The following XKR6 variants were observed in gnomAD, a reference collection of about 807,000 sequenced individuals.
XKR6 encodes XK related 6.
A neutral mutation model predicts 56.7 loss-of-function variants in XKR6; 22 were observed. The ratio of observed to expected loss-of-function variants is 0.39; its 90% CI spans 0.28 to 0.55. The LOEUF (loss-of-function observed/expected upper bound fraction) is 0.55, where lower values mean the gene tolerates loss of function less well. XKR6 is among the 20% of genes least tolerant of loss of function. The pLI is 0.66. For synonymous variants in XKR6, 524 were observed against 387.8 expected, an observed-to-expected ratio of 1.35 and a Z score of -4.13; for missense variants, 852 against 889.0, an observed-to-expected ratio of 0.96 and a Z score of 0.53.
intron 1 of XKR6, among the ~76,000 whole-genome samples, chr8:10,941,909 G>A (rs1801396090): frequency 6.6e-6 from 1 of 151,832 alleles, no homozygotes; most frequent in South Asian, 2.1e-4. Flanking sequence ...TGCCCCAGCA[G>A]CCAGGCCTGT....
At chr8:11,078,725 T>C (rs752319633) in intron 1 of XKR6, among the ~76,000 whole-genome samples, 12 of 152,140 alleles carry the variant, frequency 7.9e-5, no homozygotes, top group Non-Finnish European at 1.6e-4. Flanking sequence ...GCAGTTGGCC[T>C]TCAGGACCCG....
intron 1 of XKR6, among the ~76,000 whole-genome samples, chr8:11,074,608 C>T (rs1184175809): frequency 6.6e-6 from 1 of 152,188 alleles, no homozygotes; most frequent in Non-Finnish European, 1.5e-5. Context: ...CAAACATTCT[C>T]TGAGCACTTG....
At chr8:11,102,727 G>C (rs1003588484) in intron 1 of XKR6, among the ~76,000 whole-genome samples, 1 of 152,264 alleles carries the variant, frequency 6.6e-6, no homozygotes, top group African/African-American at 2.4e-5. Flanking sequence ...GATGAGGAGG[G>C]ACAGAGCTGA....
At chr8:10,980,097 G>T (rs1797694848) in intron 1 of XKR6, among the ~76,000 whole-genome samples, 1 of 152,230 alleles carries the variant, frequency 6.6e-6, no homozygotes, top group Non-Finnish European at 1.5e-5. Flanking sequence ...GCTCTATGCA[G>T]GCCTGGAGCC....
At chr8:10,982,533 G>C (rs922124728) in intron 1 of XKR6, among the ~76,000 whole-genome samples, 18 of 152,306 alleles carry the variant, frequency 1.2e-4, no homozygotes, top group Admixed American at 7.8e-4. Context: ...CCCAGGCTGA[G>C]AAGGAACATT....
chr8:10,923,998 A>G (rs377592874), intron 2 of XKR6, among the ~76,000 whole-genome samples: 81 of 152,318 alleles, frequency 5.3e-4, no homozygotes, highest in African/African-American at 1.9e-3. Context: ...CACTTGTTGA[A>G]TGGATAAGCA....
At chr8:11,128,282 G>T (rs1020992570) in intron 1 of XKR6, among the ~76,000 whole-genome samples, 2 of 152,100 alleles carry the variant, frequency 1.3e-5, no homozygotes, top group African/African-American at 2.4e-5. Flanking sequence ...TAAAGCCCCA[G>T]TGCATCCAGG....
At chr8:11,060,750 C>T (rs1474702585) in intron 1 of XKR6, among the ~76,000 whole-genome samples, 1 of 152,218 alleles carries the variant, frequency 6.6e-6, no homozygotes, top group Non-Finnish European at 1.5e-5. Flanking sequence ...TCTGGCAATT[C>T]ATCCAATAAA....
chr8:11,190,816 T>C (rs1309712540), intron 1 of XKR6, among the ~76,000 whole-genome samples: 1 of 152,196 alleles, frequency 6.6e-6, no homozygotes, highest in Non-Finnish European at 1.5e-5. Context: ...ACCAGTGCCA[T>C]AGGTTACTTT....
At chr8:10,925,423 G>A (rs1172331231) in intron 1 of XKR6, among the ~76,000 whole-genome samples, 1 of 152,178 alleles carries the variant, frequency 6.6e-6, no homozygotes, top group Non-Finnish European at 1.5e-5. Flanking sequence ...CCGGATAGTG[G>A]AACAAGTAGG....
chr8:10,924,165 G>A (rs1457869244), intron 2 of XKR6, among the ~76,000 whole-genome samples: 1 of 152,228 alleles, frequency 6.6e-6, no homozygotes, highest in Non-Finnish European at 1.5e-5. Flanking sequence ...TACAAATGGG[G>A]CTTACACATG....
At chr8:11,142,480 G>C (rs1400106696) in intron 1 of XKR6, among the ~76,000 whole-genome samples, 1 of 152,174 alleles carries the variant, frequency 6.6e-6, no homozygotes, top group Admixed American at 6.5e-5. Context: ...GGCCTGGTGG[G>C]AGGTGTTTGG....
At chr8:10,974,428 AG>A (rs1802494141) in intron 1 of XKR6, among the ~76,000 whole-genome samples, 1 of 152,230 alleles carries the variant, frequency 6.6e-6, no homozygotes, top group South Asian at 2.1e-4. Context: ...CCACCCGCTC[AG>A]AGGGAGGCAG....
Position 11,163,675 on chromosome 8 carries a change from C to T in XKR6, c.764+36901G>A, listed in dbSNP as rs375043038. 3.9e-4 allele frequency among the ~76,000 whole-genome samples: 59 copies of T among 152,312 alleles called. No individual in the cohort carries two copies. The East Asian group carries it at 7.9e-3, about 20-fold the overall frequency. On this transcript the variant is annotated intron_variant, in intron 1 of 2. Transcript: ENST00000416569. ...GCTTTGTTGTTTGCGTGGTCTGCTA[C>T]CCCAGACCACATTTCTACCGCACTG...
At chr8:11,146,168 C>T (rs1384767065) in intron 1 of XKR6, among the ~76,000 whole-genome samples, 1 of 152,174 alleles carries the variant, frequency 6.6e-6, no homozygotes, top group Non-Finnish European at 1.5e-5. Context: ...AACCAGCACT[C>T]TGATCCACAC....
chr8:11,173,919 A>G (rs952581489), intron 1 of XKR6, among the ~76,000 whole-genome samples: 2 of 152,156 alleles, frequency 1.3e-5, no homozygotes, highest in African/African-American at 2.4e-5. Context: ...AAAAAGAGGG[A>G]AGAACATGAC....
Position 11,121,753 on chromosome 8 carries a change from C to T in XKR6, c.764+78823G>A, listed in dbSNP as rs182837121. On this transcript the variant is annotated intron_variant, in intron 1 of 2. Transcript: ENST00000416569. ...ATGCACACATATGTTTATTGCGGCACTATTCACTATAGCAAAGACTTGGAA... is the reference window on the plus strand; with the variant it reads ...ATGCACACATATGTTTATTGCGGCATTATTCACTATAGCAAAGACTTGGAA... Among the ~76,000 whole-genome samples the T allele has an allele frequency of 1.7e-3, 255 of 152,272 alleles. 2 individuals are homozygous for T. The highest frequency in any genetic ancestry group is 3.4e-4 in the Non-Finnish European group (23 of 68,030).
intron 1 of XKR6, among the ~76,000 whole-genome samples, chr8:11,021,229 G>C (rs1399402852): frequency 6.6e-6 from 1 of 152,186 alleles, no homozygotes; most frequent in South Asian, 2.1e-4. Flanking sequence ...AGGTCTCACA[G>C]GGAGAGGAAG....
At chr8:11,148,039 A>C (rs11777870) in intron 1 of XKR6, among the ~76,000 whole-genome samples, 41,945 of 151,850 alleles carry the variant, frequency 0.28, 7,337 homozygotes, top group Non-Finnish European at 0.39. Context: ...GTGAAACCCT[A>C]TCTCTACTAA....
Sources: allele counts gnomAD v4.1 joint callset (sites outside exome capture counted in the v4.1 genomes callset), GRCh38; gene constraint gnomAD v4.1.1; transcripts MANE v1.5; gene names NCBI Gene and HGNC (gene_info 2026-07-23, HGNC 2026-07-21).